COL6A6: variants seen among roughly 807,000 people sequenced by gnomAD.
COL6A6 encodes collagen type VI alpha 6 chain, also known as collagen alpha-6(VI) chain.
In COL6A6, 183 loss-of-function variants were observed where a neutral mutation model predicts 208.6. The ratio of observed to expected loss-of-function variants is 0.88; its 90% CI spans 0.78 to 0.99. The LOEUF is 0.99. Among genes scored for constraint, COL6A6 ranks in the 50% least tolerant of loss-of-function variants. The probability of loss-of-function intolerance (pLI) is 0.00; values close to 1 mark genes in which losing one functional copy is unlikely to be tolerated. For synonymous variants in COL6A6, 973 were observed against 1,011.8 expected, an observed-to-expected ratio of 0.96 and a Z score of 0.73; for missense variants, 2,816 against 2,815.2, an observed-to-expected ratio of 1.00 and a Z score of -0.01.
intron 1 of COL6A6, among the ~76,000 whole-genome samples, chr3:130,539,262 A>G (rs1034713267): frequency 2.0e-5 from 3 of 152,262 alleles, no homozygotes; most frequent in Non-Finnish European, 4.4e-5. Flanking sequence ...TGGAATGGGC[A>G]GCACTAATTT....
At chr3:130,559,211 C>T (rs1398817263) in intron 1 of COL6A6, among the ~76,000 whole-genome samples, 1 of 152,178 alleles carries the variant, frequency 6.6e-6, no homozygotes, top group Non-Finnish European at 1.5e-5. Context: ...TTCGGGAAAT[C>T]CACTTTGGGA....
chr3:130,534,040 G>A lies in COL6A6; in HGVS notation c.-32+16643G>A, dbSNP rs181930218. Among the ~76,000 whole-genome samples, 25 of 152,224 alleles carry A rather than the reference G, an allele frequency of 1.6e-4. 1 individual carries two copies. The highest frequency in any genetic ancestry group is 1.6e-3 in the Admixed American group (25 of 15,292). On this transcript the variant is annotated intron_variant, in intron 1 of 36. Transcript: ENST00000358511. The stretch of plus-strand genomic sequence containing the variant: ...TACACATGTACCAGGGTTTCTGTAG[G>A]GTATCTGCTTTACATGAAACTGCTA...
chr3:130,608,763 C>CTTTT lies in COL6A6; in HGVS notation c.4690-115_4690-112dup, dbSNP rs752049202. Reference sequence around the variant, plus strand: ...CTTTGTATTTGCATTTATTTTTCACCTTTTTTTTTTTTTTTTTTTTTTTTT... The same window carrying CTTTT: ...CTTTGTATTTGCATTTATTTTTCACCTTTTTTTTTTTTTTTTTTTTTTTTTTTTT... On this transcript the variant is annotated intron_variant, in intron 21 of 36. Transcript: ENST00000358511. 22 of 310,156 alleles carry CTTTT rather than the reference C, an allele frequency of 7.1e-5. 2 individuals carry two copies. The highest frequency in any genetic ancestry group is 1.7e-4 in the Admixed American group (2 of 12,114). 19.2% of individuals were successfully genotyped at this position (310,156 alleles called of 1,614,324 possible).
At chr3:130,615,623 A>G (rs555590703) in intron 23 of COL6A6, among the ~76,000 whole-genome samples, 2 of 152,372 alleles carry the variant, frequency 1.3e-5, no homozygotes, top group Admixed American at 1.3e-4. Flanking sequence ...TTAAAATGTC[A>G]TGGTAGAAAT....
At chr3:130,646,357 G>T (rs888390049) in intron 32 of COL6A6, 2 of 152,248 alleles carry the variant, frequency 1.3e-5, no homozygotes, top group African/African-American at 4.8e-5. Flanking sequence ...GGCAGATCAC[G>T]AGGTCAGGAG....
intron 29 of COL6A6, 110 bp from the exon 30 acceptor site, chr3:130,642,722 G>A (rs2065352497): frequency 1.1e-6 from 1 of 903,474 alleles, no homozygotes; most frequent in African/African-American, 1.7e-5. Flanking sequence ...ACAATTTAAT[G>A]AGAATAAAAC....
rs1468835415 is a variant in COL6A6, at chr3:130,525,343, A to AG, written c.-32+7949dup. ...ATTTTGACTCAGTATTTTTTAGAAG[A>AG]GGGAAAAAAGGGAGACTGCTAACAT... On this transcript the variant is annotated intron_variant, in intron 1 of 36. Coordinates refer to ENST00000358511, the MANE Select transcript of COL6A6 (RefSeq NM_001102608.3). Among the ~76,000 whole-genome samples the AG allele has an allele frequency of 3.9e-5, 6 of 152,320 alleles. No individual in the cohort carries two copies. In the East Asian group the frequency reaches 1.2e-3, roughly 29 times the overall value.
intron 8 of COL6A6, among the ~76,000 whole-genome samples, chr3:130,578,665 A>G (rs1383024676): frequency 6.6e-6 from 1 of 151,960 alleles, no homozygotes; most frequent in Non-Finnish European, 1.5e-5. Context: ...CATAAGTCAG[A>G]GAGTTAACTT....
intron 12 of COL6A6, among the ~76,000 whole-genome samples, chr3:130,590,291 A>G (rs1411673957): frequency 1.8e-4 from 3 of 16,556 alleles, no homozygotes; most frequent in South Asian, 2.4e-3. Flanking sequence ...ATATATATAT[A>G]TATATATATT....
Position 130,565,136 on chromosome 3 carries a change from T to A in COL6A6, c.804T>A (p.Val268=). Residue 268 remains valine (V), a synonymous_variant, in exon 4 of 37, where the codon GTT becomes GTA. Coordinates refer to ENST00000358511, the MANE Select transcript of COL6A6 (RefSeq NM_001102608.3). ...ACATAAAGGAAAATTGCATGAGGGTTGGCCTTGTGGCCTATAGCAATGAGA... is the reference window on the plus strand; with the variant it reads ...ACATAAAGGAAAATTGCATGAGGGTAGGCCTTGTGGCCTATAGCAATGAGA... ...ALDIKENCMR[V]GLVAYSNETK... 2 of 1,614,018 alleles carry A rather than the reference T, an allele frequency of 1.2e-6. No individual in the cohort carries two copies. The highest frequency in any genetic ancestry group is 2.2e-5 in the South Asian group (2 of 91,082).
At chr3:130,564,183 A>G (rs1172896228) in intron 3 of COL6A6, among the ~76,000 whole-genome samples, 1 of 152,230 alleles carries the variant, frequency 6.6e-6, no homozygotes, top group African/African-American at 2.4e-5. Context: ...TTAAAGTCAG[A>G]GCTAACAGGC....
chr3:130,664,042 C>T (rs572268195), intron 35 of COL6A6, among the ~76,000 whole-genome samples: 55 of 152,300 alleles, frequency 3.6e-4, no homozygotes, highest in East Asian at 1.5e-3. Flanking sequence ...TGCTGGGTAT[C>T]AAGGAGTGAC....
At chr3:130,571,884 T>C (rs1275880898) in intron 7 of COL6A6, among the ~76,000 whole-genome samples, 1 of 144,608 alleles carries the variant, frequency 6.9e-6, no homozygotes, top group Non-Finnish European at 1.5e-5. Flanking sequence ...GGTTTCACTA[T>C]GTTGCCCAGG....
At chr3:130,639,975 T>C (rs1032866918) in intron 28 of COL6A6, among the ~76,000 whole-genome samples, 12 of 152,126 alleles carry the variant, frequency 7.9e-5, no homozygotes, top group African/African-American at 2.7e-4. Context: ...CCTCATTTAC[T>C]CTCCCTGTCT....
intron 29 of COL6A6, 21 bp downstream of exon 29, chr3:130,641,735 C>A: frequency 6.9e-7 from 1 of 1,457,616 alleles, no homozygotes; most frequent in Non-Finnish European, 9.5e-7. Context: ...AAACTATAAA[C>A]CACAGCAGGT....
In COL6A6 at chr3:130,626,496, A is replaced by G. The variant is rs926898359; in HGVS notation, c.4890A>G (p.Gly1630=). The change falls in exon 25 of 37, where the codon GGA becomes GGG. Residue 1630 remains glycine (G), a synonymous_variant. Transcript: ENST00000358511. ...TTTCTGTTTAACAGGGAGAACCTGG[A>G]GATCTGGGAGAAAAAGGAGCTGTTG... ...LGSQGNKGEP[G]DLGEKGAVGF... The G allele has an allele frequency of 4.3e-6, 7 of 1,612,714 alleles. No homozygotes were observed. The highest frequency in any genetic ancestry group is 5.9e-6 in the Non-Finnish European group (7 of 1,178,690).
Position 130,574,217 on chromosome 3 carries a change from G to T in COL6A6, c.3239G>T (p.Gly1080Val). The T allele has an allele frequency of 6.2e-7, 1 of 1,613,990 alleles. No homozygotes were observed. The highest frequency in any genetic ancestry group is 1.1e-5 in the South Asian group (1 of 91,090). ...IKQIFGNTHI[G>V]AALREVEHYF... ...CAGATCTTTGGAAACACACACATCG[G>T]TGCTGCACTCAGGGAGGTGGAACAT... is the stretch of plus-strand genomic sequence containing the variant. The change falls in exon 8 of 37, where the codon GGT becomes GTT. Residue 1080 changes from glycine to valine, a missense_variant. By Grantham distance (109) the Gly-to-Val change is moderately radical (BLOSUM62 -3). Coordinates refer to ENST00000358511, the MANE Select transcript of COL6A6 (RefSeq NM_001102608.3).
rs1372135381 is a variant in COL6A6 at position 130,563,343 on chromosome 3, G to T, written c.340G>T (p.Ala114Ser). ...SLQIGKALQE[A>S]HRTYFSAPAN... The stretch of plus-strand genomic sequence containing the variant: ...GCAGATAGGAAAGGCTCTTCAGGAG[G>T]CTCACAGGACTTATTTCTCTGCACC... Residue 114 changes from alanine (A) to serine (S), a missense_variant, in exon 3 of 37, where the codon GCT (alanine) becomes TCT (serine). Transcript: ENST00000358511. The T allele has an allele frequency of 6.2e-7, 1 of 1,613,874 alleles. No homozygotes were observed. The highest frequency in any genetic ancestry group is 1.3e-5 in the African/African-American group (1 of 74,936).
In COL6A6 at chr3:130,565,501, T is replaced by C; in HGVS notation, c.1169T>C (p.Leu390Pro). 4 of 1,614,010 alleles carry C rather than the reference T, an allele frequency of 2.5e-6. No homozygotes were observed. The highest frequency in any genetic ancestry group is 3.4e-6 in the Non-Finnish European group (4 of 1,179,882). The change falls in exon 4 of 37, where the codon CTG (leucine) becomes CCG (proline). Residue 390 changes from leucine to proline, a missense_variant. Coordinates refer to ENST00000358511, the MANE Select transcript of COL6A6 (RefSeq NM_001102608.3). ...SHPAEQYVSK[L>P]KTFADLAAHN... ...CCTGCTGAGCAGTATGTCTCCAAAC[T>C]GAAGACCTTCGCTGACCTGGCTGCT...
Sources: gnomAD v4.1 joint callset for allele counts (sites outside exome capture counted in the v4.1 genomes callset) on GRCh38, gnomAD v4.1.1 for gene constraint, MANE v1.5 for transcripts, NCBI Gene and HGNC (gene_info 2026-07-23, HGNC 2026-07-21) for gene names.